Variants in TMEM131L observed in about 807,000 individuals in gnomAD.
TMEM131L encodes transmembrane protein 131-like.
TMEM131L carries 54 observed loss-of-function variants against 192.2 expected under a neutral mutation model. The observed-to-expected ratio is 0.28, with a 90% CI of 0.23 to 0.35. The LOEUF is 0.35. TMEM131L is among the 10% of genes least tolerant of loss of function. The pLI is 1.00. For missense variants in TMEM131L, 1,888 were observed against 1,972.9 expected (o/e 0.96, Z 0.82); for synonymous variants, 701 against 704.9 (o/e 0.99, Z 0.09).
Position 153,531,195 on chromosome 4 carries a change from TATTCCTCAAACACAG to T in TMEM131L, c.240-18871_240-18857del, listed in dbSNP as rs545161157. Among the ~76,000 whole-genome samples, 59 of 152,332 alleles carry T rather than the reference TATTCCTCAAACACAG, an allele frequency of 3.9e-4. 2 individuals carry two copies. In the East Asian group the frequency reaches 0.011, roughly 29 times the overall value. ...GTACACTGGAATTGTCTGAGAGAGC[TATTCCTCAAACACAG>T]ATTCCTAGGCTCTATCCCTAGAAAT... is the stretch of plus-strand genomic sequence containing the variant. On this transcript the variant is annotated intron_variant, in intron 3 of 34. Transcript: ENST00000409959.
intron 7 of TMEM131L, among the ~76,000 whole-genome samples, chr4:153,576,181 T>C (rs2150678207): frequency 6.6e-6 from 1 of 152,216 alleles, no homozygotes; most frequent in Admixed American, 6.5e-5. Context: ...AGGATGGTCT[T>C]GATCTCCTGA....
chr4:153,534,927 G>T (rs1277614995), intron 3 of TMEM131L, among the ~76,000 whole-genome samples: 1 of 152,240 alleles, frequency 6.6e-6, no homozygotes, highest in African/African-American at 2.4e-5. Flanking sequence ...GGGGTGTGGA[G>T]TTGGTGAGGT....
In TMEM131L at chr4:153,603,288, T is replaced by C; in HGVS notation, c.2640-15T>C. Reference sequence around the variant, plus strand: ...AGAACCATGCAATACTGAACCTTGTTGCTTTCTTCCTCAGTTTGTCCCTGT... The same window carrying C: ...AGAACCATGCAATACTGAACCTTGTCGCTTTCTTCCTCAGTTTGTCCCTGT... On this transcript the variant is annotated splice_polypyrimidine_tract_variant and intron_variant, in intron 23 of 34. Coordinates refer to ENST00000409959, the MANE Select transcript of TMEM131L (RefSeq NM_001131007.2). The C allele has an allele frequency of 6.2e-7, 1 of 1,611,358 alleles. No homozygotes were observed. The highest frequency in any genetic ancestry group is 8.5e-7 in the Non-Finnish European group (1 of 1,178,544).
chr4:153,488,138 G>A (rs999690593), intron 3 of TMEM131L, among the ~76,000 whole-genome samples: 18 of 150,466 alleles, frequency 1.2e-4, no homozygotes, highest in African/African-American at 4.2e-4. Flanking sequence ...CGAGACCGTT[G>A]TGGGTTTGTG....
rs559983799 is a variant in TMEM131L at position 153,633,732 on chromosome 4, A to G, written c.4329-460A>G. Among the ~76,000 whole-genome samples, 50 of 152,314 alleles carry G rather than the reference A, an allele frequency of 3.3e-4. 1 individual carries two copies. The highest frequency in any genetic ancestry group is 1.2e-3 in the African/African-American group (49 of 41,566). ...CAGTATTTCCTATCTCATTTCTATA[A>G]TAAGAATCTAGGTTGCAATAGGGAT... On this transcript the variant is annotated intron_variant, in intron 32 of 34. Transcript: ENST00000409959.
chr4:153,488,826 C>T (rs891150564), intron 3 of TMEM131L, among the ~76,000 whole-genome samples: 1 of 152,216 alleles, frequency 6.6e-6, no homozygotes, highest in Non-Finnish European at 1.5e-5. Flanking sequence ...AGTCCGCCCT[C>T]GCCTTTTCCT....
At position 153,570,647 on chromosome 4, in the gene TMEM131L, C is replaced by G. The variant is rs1729526604; in HGVS notation, c.661-10179C>G. ...CCCTTGTTTCTGGCATCTCCCGGCA[C>G]TTTTGTGCTAGTGGTATGGAAGCTG... is the stretch of plus-strand genomic sequence containing the variant. On this transcript the variant is annotated intron_variant, in intron 7 of 34. Transcript: ENST00000409959. 2.6e-5 allele frequency among the ~76,000 whole-genome samples: 4 copies of G among 152,158 alleles called. No individual in the cohort carries two copies. The South Asian group carries it at 6.2e-4, about 24-fold the overall frequency.
intron 31 of TMEM131L, among the ~76,000 whole-genome samples, chr4:153,630,693 A>G (rs1032157281): frequency 2.0e-5 from 3 of 152,138 alleles, no homozygotes; most frequent in Admixed American, 6.5e-5. Context: ...ATTACTGCCC[A>G]TAGGATGTGC....
At position 153,632,800 on chromosome 4, in the gene TMEM131L, G is replaced by T. The variant is rs768795299; in HGVS notation, c.4290G>T (p.Val1430=). The T allele has an allele frequency of 6.2e-7, 1 of 1,614,138 alleles. No homozygotes were observed. Among genetic ancestry groups the T allele is most frequent in the Non-Finnish European group, 8.5e-7 (1 of 1,180,024 alleles). The change falls in exon 32 of 35, where the codon GTG becomes GTT. Residue 1430 remains valine, a synonymous_variant. Transcript: ENST00000409959. ...TAAACTGCACCCTGGAGAACGGCGT[G>T]CCTTGTGTGATTCAGGAGTCGGCCC... The part of the protein sequence containing the change: ...SSLNCTLENG[V]PCVIQESAPV...
intron 3 of TMEM131L, among the ~76,000 whole-genome samples, chr4:153,517,634 A>G (rs1166412090): frequency 1.3e-5 from 2 of 152,206 alleles, no homozygotes; most frequent in Non-Finnish European, 2.9e-5. Context: ...TGTTTAGGTC[A>G]GGAGCCTTTT....
intron 3 of TMEM131L, among the ~76,000 whole-genome samples, chr4:153,536,810 G>C (rs181010407): frequency 1.3e-5 from 2 of 150,598 alleles, no homozygotes; most frequent in African/African-American, 2.4e-5. Flanking sequence ...GGTCCAATAG[G>C]TTGTCTGCAA....
rs767757091 is a variant in TMEM131L, at chr4:153,483,538, A to G, written c.239+9650A>G. On this transcript the variant is annotated intron_variant, in intron 3 of 34. Transcript: ENST00000409959. Reference sequence around the variant, plus strand: ...AAAGTGAGACCCTGTCTCTACAAAAACAAAACAAAAAAAAAGTGGGGCGTG... The same window carrying G: ...AAAGTGAGACCCTGTCTCTACAAAAGCAAAACAAAAAAAAAGTGGGGCGTG... Among the ~76,000 whole-genome samples, 87 of 152,042 alleles carry G rather than the reference A, an allele frequency of 5.7e-4. 1 individual carries two copies. Among genetic ancestry groups the G allele is most frequent in the Non-Finnish European group, 1.1e-3 (73 of 67,998 alleles).
At chr4:153,474,274 T>C (rs1212183360) in intron 3 of TMEM131L, among the ~76,000 whole-genome samples, 2 of 152,214 alleles carry the variant, frequency 1.3e-5, no homozygotes, top group Non-Finnish European at 1.5e-5. Flanking sequence ...AAAATAATTA[T>C]GCTTATGACA....
intron 3 of TMEM131L, among the ~76,000 whole-genome samples, chr4:153,509,669 A>T (rs2150061353): frequency 6.6e-6 from 1 of 152,272 alleles, no homozygotes; most frequent in East Asian, 1.9e-4. Context: ...GTGAGCTGAG[A>T]TCGTACCACT....
chr4:153,597,587 T>TA (rs1731531416), intron 20 of TMEM131L, among the ~76,000 whole-genome samples: 1 of 152,208 alleles, frequency 6.6e-6, no homozygotes, highest in South Asian at 2.1e-4. Context: ...TTGCTGCTTC[T>TA]ATAGTATTTA....
chr4:153,476,213 C>T (rs1006967706), intron 3 of TMEM131L, among the ~76,000 whole-genome samples: 12 of 152,162 alleles, frequency 7.9e-5, no homozygotes, highest in Admixed American at 3.3e-4. Context: ...CCGGCCTCAG[C>T]CTCTCAGAGT....
chr4:153,469,964 G>A (rs1296093732), intron 2 of TMEM131L, among the ~76,000 whole-genome samples: 1 of 149,738 alleles, frequency 6.7e-6, no homozygotes, highest in African/African-American at 2.5e-5. Context: ...AAAAAAACCA[G>A]TAACATATTT....
At chr4:153,519,245 T>A (rs935085248) in intron 3 of TMEM131L, among the ~76,000 whole-genome samples, 1 of 152,080 alleles carries the variant, frequency 6.6e-6, no homozygotes, top group Non-Finnish European at 1.5e-5. Flanking sequence ...ATTTCAGCAG[T>A]TGTTCTGATG....
intron 3 of TMEM131L, among the ~76,000 whole-genome samples, chr4:153,490,672 G>A (rs1324158328): frequency 2.0e-5 from 3 of 152,020 alleles, no homozygotes; most frequent in African/African-American, 7.2e-5. Context: ...TAAAAAATGA[G>A]CGGCCGGGCG....
Sources: gnomAD v4.1 joint callset for allele counts (sites outside exome capture counted in the v4.1 genomes callset) on GRCh38, gnomAD v4.1.1 for gene constraint, MANE v1.5 for transcripts, NCBI Gene and HGNC (gene_info 2026-07-23, HGNC 2026-07-21) for gene names.